ASTN2: variants seen among roughly 807,000 people sequenced by gnomAD.
ASTN2 encodes astrotactin 2.
In ASTN2, 54 loss-of-function variants were observed where a neutral mutation model predicts 139.8. The observed-to-expected ratio is 0.39, with a 90% confidence interval of 0.31 to 0.48. ASTN2 has a LOEUF of 0.48. ASTN2 is among the 20% of genes least tolerant of loss of function. ASTN2 has a pLI of 0.95. For synonymous variants in ASTN2, 756 were observed against 719.5 expected (o/e 1.05, Z -0.81); for missense variants, 1,565 against 1,725.1 (o/e 0.91, Z 1.64).
At chr9:117,018,724 G>T (rs1010895770) in intron 6 of ASTN2, among the ~76,000 whole-genome samples, 43 of 152,054 alleles carry the variant, frequency 2.8e-4, no homozygotes, top group African/African-American at 1.0e-3. Context: ...TCTAAAAGAG[G>T]GTGAATAGCA....
At chr9:116,678,020 A>G (rs979011735) in intron 16 of ASTN2, among the ~76,000 whole-genome samples, 2 of 152,228 alleles carry the variant, frequency 1.3e-5, no homozygotes, top group Non-Finnish European at 2.9e-5. Context: ...CATTTAAATC[A>G]AATATTTTAT....
chr9:116,985,954 T>C (rs1451516156), intron 7 of ASTN2, among the ~76,000 whole-genome samples: 3 of 152,180 alleles, frequency 2.0e-5, no homozygotes, highest in Admixed American at 1.3e-4. Context: ...GAATCCTCTG[T>C]GGCCTGCATC....
intron 19 of ASTN2, among the ~76,000 whole-genome samples, chr9:116,608,086 G>C (rs1444600563): frequency 2.0e-5 from 3 of 152,224 alleles, no homozygotes; most frequent in Non-Finnish European, 2.9e-5. Context: ...TGCCTTTAGA[G>C]AGTTTTCAAG....
At chr9:116,430,007 A>G (rs1394590578) in intron 22 of ASTN2, among the ~76,000 whole-genome samples, 1 of 152,220 alleles carries the variant, frequency 6.6e-6, no homozygotes, top group Non-Finnish European at 1.5e-5. Flanking sequence ...TGAAATAACC[A>G]GTGCAAAGAA....
chr9:117,414,654 C>A lies in ASTN2; in HGVS notation c.285G>T (p.Gly95=). The A allele has an allele frequency of 7.4e-7, 1 of 1,353,488 alleles. No individual in the cohort carries two copies. The highest frequency in any genetic ancestry group is 9.4e-7 in the Non-Finnish European group (1 of 1,058,656). The allele number at this position is 1,353,488 out of a possible 1,614,324, so 83.8% of individuals were successfully genotyped here. A position where few individuals can be genotyped will look rare whatever the true frequency, so the allele number is the denominator to read the frequency against. ...GARAGAGAGT[G]AGAAAAAASP... The stretch of plus-strand genomic sequence containing the variant: ...ACGCGGCGGCGGCGGCGGCTCCGGC[C>A]CCGGTCCCAGCCCCGGCCCCGGCGC... The change falls in exon 1 of 23, where the codon GGG becomes GGT. Residue 95 remains glycine, a synonymous_variant. Coordinates refer to ENST00000313400, the MANE Select transcript of ASTN2 (RefSeq NM_001365068.1). This position sits in a 1 kb window ranked among gnomAD's most constrained non-coding sequence, Gnocchi z 4.2.
chr9:117,256,897 T>TAAGAAATTGTTAAAGACACAGATAGTCAG (rs1400556343), intron 2 of ASTN2, among the ~76,000 whole-genome samples: 6 of 152,106 alleles, frequency 3.9e-5, no homozygotes, highest in Non-Finnish European at 8.8e-5. Flanking sequence ...TCAGAGAGGT[T>TAAGAAATTGTTAAAGACACAGATAGTCAG]AAGAAATTGT....
intron 4 of ASTN2, among the ~76,000 whole-genome samples, chr9:117,117,015 C>T (rs1006056183): frequency 1.3e-5 from 2 of 152,178 alleles, no homozygotes; most frequent in Non-Finnish European, 2.9e-5. Context: ...TGTTCTTTCT[C>T]ATACCTCTTG....
chr9:117,114,288 C>T (rs1019740783), intron 4 of ASTN2, among the ~76,000 whole-genome samples: 2 of 151,932 alleles, frequency 1.3e-5, no homozygotes, highest in Non-Finnish European at 2.9e-5. Flanking sequence ...TCGAATGACA[C>T]TCTTATTGTT....
At chr9:116,488,287 T>C (rs1245601051) in intron 19 of ASTN2, among the ~76,000 whole-genome samples, 1 of 152,176 alleles carries the variant, frequency 6.6e-6, no homozygotes, top group African/African-American at 2.4e-5. Context: ...CTAGAAAGAA[T>C]AACTGAACAT....
At chr9:116,711,555 G>A (rs1299547564) in intron 16 of ASTN2, among the ~76,000 whole-genome samples, 1 of 152,004 alleles carries the variant, frequency 6.6e-6, no homozygotes, top group Non-Finnish European at 1.5e-5. Flanking sequence ...ATACCCAGCT[G>A]CCCATTTTAT....
intron 1 of ASTN2, among the ~76,000 whole-genome samples, chr9:117,394,415 G>C (rs1238612016): frequency 2.0e-5 from 3 of 152,118 alleles, no homozygotes; most frequent in Admixed American, 2.0e-4. Context: ...GCCACATATG[G>C]CTAGTGGCCA....
intron 5 of ASTN2, among the ~76,000 whole-genome samples, chr9:117,047,155 T>C (rs1838771520): frequency 6.6e-6 from 1 of 152,218 alleles, no homozygotes; most frequent in South Asian, 2.1e-4. Flanking sequence ...ACACGTCATC[T>C]GACAAGTGCA....
At chr9:116,663,769 AT>A (rs1474018951) in intron 16 of ASTN2, among the ~76,000 whole-genome samples, 2 of 152,170 alleles carry the variant, frequency 1.3e-5, no homozygotes, top group East Asian at 3.8e-4. Flanking sequence ...CTGCTACTTG[AT>A]TTGCATACAT....
intron 10 of ASTN2, among the ~76,000 whole-genome samples, chr9:116,903,375 A>G (rs1481742786): frequency 1.3e-5 from 2 of 152,208 alleles, no homozygotes; most frequent in African/African-American, 4.8e-5. Flanking sequence ...TAGCATTAGT[A>G]TCTAGTACAT....
chr9:116,521,394 G>A (rs1258543728), intron 19 of ASTN2, among the ~76,000 whole-genome samples: 1 of 152,062 alleles, frequency 6.6e-6, no homozygotes, highest in African/African-American at 2.4e-5. Context: ...CATAAAGTGG[G>A]AAAAGGACAC....
chr9:117,386,834 C>T (rs532540240), intron 1 of ASTN2, among the ~76,000 whole-genome samples: 5 of 152,288 alleles, frequency 3.3e-5, no homozygotes, highest in African/African-American at 1.2e-4. Context: ...CCTCCTCCTA[C>T]ACCCACAGAG....
intron 10 of ASTN2, among the ~76,000 whole-genome samples, chr9:116,964,663 C>G (rs564434689): frequency 6.6e-6 from 1 of 152,144 alleles, no homozygotes; most frequent in African/African-American, 2.4e-5. Context: ...CTATAGGACA[C>G]AATTCAAGGG....
intron 2 of ASTN2, among the ~76,000 whole-genome samples, chr9:117,224,823 A>C (rs975633404): frequency 6.6e-6 from 1 of 152,076 alleles, no homozygotes; most frequent in Non-Finnish European, 1.5e-5. Context: ...GTGGGTCATG[A>C]GTTCTCTGAA....
Position 116,807,443 on chromosome 9 carries a change from C to T in ASTN2, c.2208-1623G>A, listed in dbSNP as rs141507581. Among the ~76,000 whole-genome samples the T allele has an allele frequency of 7.2e-5, 11 of 152,326 alleles. No individual in the cohort carries two copies. The East Asian group carries it at 2.1e-3, about 29-fold the overall frequency. Reference sequence around the variant, plus strand: ...CTTTCCCCTAATCCCTGGCGTACTGCACTGATGCACTGATGGTCTTTCTAA... The same window carrying T: ...CTTTCCCCTAATCCCTGGCGTACTGTACTGATGCACTGATGGTCTTTCTAA... On this transcript the variant is annotated intron_variant, in intron 12 of 22. Coordinates refer to ENST00000313400, the MANE Select transcript of ASTN2 (RefSeq NM_001365068.1).
Sources: allele counts gnomAD v4.1 joint callset (sites outside exome capture counted in the v4.1 genomes callset), GRCh38; gene constraint gnomAD v4.1.1; non-coding constraint Gnocchi (gnomAD v3.1); transcripts MANE v1.5; gene names NCBI Gene and HGNC (gene_info 2026-07-23, HGNC 2026-07-21).